Variants in SPIN1 observed in about 807,000 individuals in gnomAD.
SPIN1 encodes the protein spindlin-1.
SPIN1 carries 3 observed loss-of-function variants against 26.0 expected under a neutral mutation model. That is an observed-to-expected ratio of 0.12 (90% CI 0.05 to 0.30). The LOEUF is 0.30. Among genes scored for constraint, SPIN1 ranks in the 10% least tolerant of loss-of-function variants. The pLI is 1.00. For synonymous variants in SPIN1, 101 were observed against 116.5 expected (o/e 0.87, Z 0.86); for missense variants, 126 against 333.4 (o/e 0.38, Z 4.84).
intron 1 of SPIN1, among the ~76,000 whole-genome samples, chr9:88,404,450 T>C (rs1827252838): frequency 6.6e-6 from 1 of 152,218 alleles, no homozygotes; most frequent in South Asian, 2.1e-4. Context: ...TGTAGCTTTT[T>C]TACTTTATGA....
chr9:88,445,222 C>T lies in SPIN1; in HGVS notation c.53-3719C>T, dbSNP rs563828247. Among the ~76,000 whole-genome samples the T allele has an allele frequency of 1.3e-3, 192 of 151,754 alleles. 1 individual carries two copies. The highest frequency in any genetic ancestry group is 4.4e-3 in the African/African-American group (181 of 41,426). On this transcript the variant is annotated intron_variant, in intron 2 of 5. Coordinates refer to ENST00000375859, the MANE Select transcript of SPIN1 (RefSeq NM_006717.3). ...TACTTTTCTTTCTTTTTTTTCTTTTCTGACCTCCTTCCATCCTTGTCTACT... is the reference window on the plus strand; with the variant it reads ...TACTTTTCTTTCTTTTTTTTCTTTTTTGACCTCCTTCCATCCTTGTCTACT...
At chr9:88,440,593 C>G (rs969694769) in intron 2 of SPIN1, among the ~76,000 whole-genome samples, 1 of 146,468 alleles carries the variant, frequency 6.8e-6, no homozygotes, top group African/African-American at 2.5e-5. Flanking sequence ...TTTTTTTTTT[C>G]TCTGAGATGG....
chr9:88,407,763 C>A (rs540323631), intron 1 of SPIN1, among the ~76,000 whole-genome samples: 1 of 146,430 alleles, frequency 6.8e-6, no homozygotes, highest in African/African-American at 2.7e-5. Context: ...GAATCTCTCT[C>A]TCTTTTTTTT....
chr9:88,474,396 A>G (rs11142312), intron 5 of SPIN1, among the ~76,000 whole-genome samples: 2,774 of 152,262 alleles, frequency 0.018, 41 homozygotes, highest in Middle Eastern at 0.037. Flanking sequence ...CCTTTTAAAC[A>G]GTACAGATGC....
chr9:88,472,329 G>T (rs1019543587), intron 5 of SPIN1, among the ~76,000 whole-genome samples: 1 of 152,102 alleles, frequency 6.6e-6, no homozygotes, highest in African/African-American at 2.4e-5. Flanking sequence ...CTGCCTCTCA[G>T]GTTCCAGCGA....
Position 88,445,676 on chromosome 9 carries a change from G to A in SPIN1, c.53-3265G>A, listed in dbSNP as rs374861992. Among the ~76,000 whole-genome samples the A allele has an allele frequency of 1.3e-3, 203 of 151,176 alleles. 5 individuals are homozygous for A. In the South Asian group the frequency reaches 0.036, roughly 27 times the overall value. ...TCTTGCCTTAGCCAGAATTACAGACGCCCACCACTATGCCCAGCTTTTTTT... is the reference window on the plus strand; with the variant it reads ...TCTTGCCTTAGCCAGAATTACAGACACCCACCACTATGCCCAGCTTTTTTT... On this transcript the variant is annotated intron_variant, in intron 2 of 5. Coordinates refer to ENST00000375859, the MANE Select transcript of SPIN1 (RefSeq NM_006717.3).
intron 3 of SPIN1, among the ~76,000 whole-genome samples, chr9:88,449,709 T>C (rs1828321321): frequency 6.6e-6 from 1 of 152,258 alleles, no homozygotes; most frequent in Non-Finnish European, 1.5e-5. Flanking sequence ...CCTATACTGA[T>C]AACTATGCCA....
chr9:88,411,035 C>T (rs1827432611), intron 1 of SPIN1: 2 of 1,583,672 alleles, frequency 1.3e-6, no homozygotes, highest in Admixed American at 1.7e-5. Flanking sequence ...CCTTTTCTTG[C>T]CACTGCCTCG....
intron 2 of SPIN1, among the ~76,000 whole-genome samples, chr9:88,428,371 C>A (rs1169883): frequency 0.035 from 5,304 of 152,134 alleles, 154 homozygotes; most frequent in Admixed American, 0.074. Context: ...TGATAGTTTC[C>A]ATATTTATGT....
chr9:88,473,815 G>A (rs1055284970), intron 5 of SPIN1, among the ~76,000 whole-genome samples: 1 of 152,146 alleles, frequency 6.6e-6, no homozygotes, highest in Admixed American at 6.5e-5. Flanking sequence ...ATTCACGTGC[G>A]ATTGTGTATT....
intron 2 of SPIN1, among the ~76,000 whole-genome samples, chr9:88,431,259 A>C (rs2118044963): frequency 6.6e-6 from 1 of 151,292 alleles, no homozygotes; most frequent in Middle Eastern, 3.4e-3. Flanking sequence ...CCTACTACTC[A>C]AATTTAACAA....
chr9:88,443,160 A>G (rs894376389), intron 2 of SPIN1, among the ~76,000 whole-genome samples: 3 of 149,434 alleles, frequency 2.0e-5, no homozygotes, highest in African/African-American at 7.4e-5. Flanking sequence ...TCTTTGCTTT[A>G]CATTGATTCT....
chr9:88,432,194 C>T (rs1389450210), intron 2 of SPIN1, among the ~76,000 whole-genome samples: 1 of 144,306 alleles, frequency 6.9e-6, no homozygotes, highest in Non-Finnish European at 1.5e-5. Flanking sequence ...CCCCCACCCC[C>T]AGTTTTTTTT....
intron 1 of SPIN1, among the ~76,000 whole-genome samples, chr9:88,388,972 G>A (rs1752829110): frequency 6.6e-6 from 1 of 150,984 alleles, no homozygotes; most frequent in Non-Finnish European, 1.5e-5. Context: ...GCGGGGAGGG[G>A]GAACGTTGCA....
chr9:88,388,668 G>A (rs1826842943), intron 1 of SPIN1, 130 bp downstream of exon 1: 1 of 148,020 alleles, frequency 6.8e-6, no homozygotes, highest in South Asian at 2.1e-4. Context: ...ATTGTCCAGC[G>A]GGCGGCGCCC....
intron 1 of SPIN1, among the ~76,000 whole-genome samples, chr9:88,412,180 A>G (rs1021932158): frequency 1.3e-5 from 2 of 151,976 alleles, no homozygotes; most frequent in Non-Finnish European, 2.9e-5. Context: ...CTGCATCTCA[A>G]AAAAAAACAA....
intron 2 of SPIN1, among the ~76,000 whole-genome samples, chr9:88,427,349 C>A (rs1827782408): frequency 1.3e-5 from 2 of 152,062 alleles, no homozygotes; most frequent in South Asian, 4.1e-4. Flanking sequence ...TGTAGAAAAA[C>A]CACAAGAATT....
intron 1 of SPIN1, among the ~76,000 whole-genome samples, chr9:88,404,954 C>A (rs1827265597): frequency 6.6e-6 from 1 of 151,250 alleles, no homozygotes; most frequent in African/African-American, 2.4e-5. Context: ...CTAAGATACT[C>A]AGGATCATCT....
At chr9:88,463,348 A>G (rs368589889) in intron 4 of SPIN1, among the ~76,000 whole-genome samples, 293 of 152,358 alleles carry the variant, frequency 1.9e-3, no homozygotes, top group South Asian at 7.7e-3. Flanking sequence ...TTTTATTAGT[A>G]GGGTGGGATA....
Sources: gnomAD v4.1 joint callset for allele counts (sites outside exome capture counted in the v4.1 genomes callset) on GRCh38, gnomAD v4.1.1 for gene constraint, MANE v1.5 for transcripts, NCBI Gene and HGNC (gene_info 2026-07-23, HGNC 2026-07-21) for gene names.